Variants in PDE1C observed in about 807,000 individuals in gnomAD.
PDE1C encodes phosphodiesterase 1C.
Under a neutral mutation model 93.1 loss-of-function variants are expected in PDE1C, and 62 were observed. The ratio of observed to expected loss-of-function variants is 0.67; its 90% CI spans 0.54 to 0.82. The LOEUF (loss-of-function observed/expected upper bound fraction) is 0.82, where lower values mean the gene tolerates loss of function less well. Ranked by LOEUF, PDE1C falls within the 40% of genes least tolerant of loss-of-function variation. The pLI is 0.00. For synonymous variants in PDE1C, 325 were observed against 310.1 expected (o/e 1.05, Z -0.50); for missense variants, 742 against 884.6 (o/e 0.84, Z 2.04).
intron 2 of PDE1C, among the ~76,000 whole-genome samples, chr7:31,930,634 A>C (rs1405730842): frequency 6.6e-6 from 1 of 151,930 alleles, no homozygotes; most frequent in Admixed American, 6.6e-5. Context: ...AGGTCAGGAG[A>C]TCGAGACCAT....
intron 2 of PDE1C, among the ~76,000 whole-genome samples, chr7:32,020,025 G>T (rs1412016255): frequency 6.6e-6 from 1 of 152,082 alleles, no homozygotes; most frequent in East Asian, 1.9e-4. Flanking sequence ...AGGTGTCAGA[G>T]AAGGGAATAA....
intron 1 of PDE1C, among the ~76,000 whole-genome samples, chr7:32,281,616 C>A (rs964953326): frequency 2.6e-5 from 4 of 152,134 alleles, no homozygotes; most frequent in Non-Finnish European, 5.9e-5. Flanking sequence ...AATACCCCAA[C>A]AGAAAAACTA....
At chr7:32,297,967 C>T (rs1812689996) in intron 1 of PDE1C, among the ~76,000 whole-genome samples, 1 of 62,470 alleles carries the variant, frequency 1.6e-5, no homozygotes, top group African/African-American at 6.5e-5. Flanking sequence ...CTCTCTCTCT[C>T]TCTCTCTCTC....
the PDE1C span, among the ~76,000 whole-genome samples, chr7:31,736,220 C>G: frequency 1.3e-5 from 2 of 152,172 alleles, no homozygotes; most frequent in Non-Finnish European, 2.9e-5. Context: ...AGCAGGTACT[C>G]CCTGGAAATG....
intron 6 of PDE1C, among the ~76,000 whole-genome samples, chr7:31,866,562 G>C (rs544594448): frequency 7.9e-5 from 12 of 152,176 alleles, no homozygotes; most frequent in Admixed American, 2.6e-4. Context: ...AGTATTTGTG[G>C]TCATGTAAAG....
chr7:31,775,208 C>T (rs1328246159), intron 17 of PDE1C, among the ~76,000 whole-genome samples: 1 of 152,118 alleles, frequency 6.6e-6, no homozygotes, highest in African/African-American at 2.4e-5. Flanking sequence ...AATTTACAAG[C>T]ATTATTTCTA....
intron 1 of PDE1C, among the ~76,000 whole-genome samples, chr7:32,387,711 G>T (rs1294172359): frequency 7.3e-6 from 1 of 137,476 alleles, no homozygotes; most frequent in African/African-American, 2.8e-5. Flanking sequence ...CGGACGGGGC[G>T]GCTGGCCGGG....
At position 31,751,895 on chromosome 7, in the gene PDE1C, C is replaced by G. The variant is rs1037007432; in HGVS notation, c.*1489G>C. On this transcript the variant is annotated 3_prime_UTR_variant, in exon 18 of 18. Coordinates refer to ENST00000396191, the MANE Select transcript of PDE1C (RefSeq NM_001191057.4). ...CTCTTTACAATCAAGCCTGGAAGGT[C>G]GAGGCCATCCGGGAACAAACAGCTC... 6.6e-6 allele frequency: 1 copy of G among 152,132 alleles called. No individual in the cohort carries two copies. The highest frequency in any genetic ancestry group is 1.5e-5 in the Non-Finnish European group (1 of 68,050). 9.4% of individuals were successfully genotyped at this position (152,132 alleles called of 1,614,324 possible). A position where few individuals can be genotyped will look rare whatever the true frequency, so the allele number is the denominator to read the frequency against.
chr7:32,399,181 G>A (rs895937685), intron 1 of PDE1C, among the ~76,000 whole-genome samples: 4 of 152,164 alleles, frequency 2.6e-5, no homozygotes, highest in Non-Finnish European at 5.9e-5. Context: ...AGTCGATCAA[G>A]CCATCACCTA....
chr7:32,404,044 C>T (rs1275777143), intron 1 of PDE1C, among the ~76,000 whole-genome samples: 1 of 152,142 alleles, frequency 6.6e-6, no homozygotes, highest in Non-Finnish European at 1.5e-5. Flanking sequence ...CATATTAGCC[C>T]AACGACTAAC....
At chr7:31,843,662 T>C (rs1047377250) in intron 9 of PDE1C, among the ~76,000 whole-genome samples, 4 of 151,894 alleles carry the variant, frequency 2.6e-5, no homozygotes, top group African/African-American at 4.8e-5. Context: ...GTAGAATGTT[T>C]AGTCCTTTAA....
At chr7:31,747,887 T>C (rs1794039837), downstream of PDE1C, among the ~76,000 whole-genome samples, 1 of 151,768 alleles carries the variant, frequency 6.6e-6, no homozygotes, top group South Asian at 2.1e-4. Context: ...TCTTGGGTTC[T>C]ACAACCCTCT....
intron 1 of PDE1C, among the ~76,000 whole-genome samples, chr7:32,410,187 G>A (rs900617571): frequency 2.6e-5 from 4 of 152,078 alleles, no homozygotes; most frequent in Non-Finnish European, 4.4e-5. Context: ...AACCAACCAG[G>A]GTGGGCGTGG....
intron 1 of PDE1C, among the ~76,000 whole-genome samples, chr7:32,329,223 T>C (rs893930588): frequency 6.6e-6 from 1 of 152,034 alleles, no homozygotes; most frequent in African/African-American, 2.4e-5. Flanking sequence ...TTGTCTCAAA[T>C]AAATAAATAA....
upstream of PDE1C, chr7:32,070,418 G>T: frequency 2.5e-6 from 4 of 1,613,772 alleles, no homozygotes; most frequent in Non-Finnish European, 3.4e-6. Flanking sequence ...GACCACTGGC[G>T]GTGAAGCTGA....
intron 2 of PDE1C, among the ~76,000 whole-genome samples, chr7:31,914,086 A>G (rs1265205390): frequency 6.6e-6 from 1 of 152,210 alleles, no homozygotes; most frequent in Non-Finnish European, 1.5e-5. Context: ...AACATAATTC[A>G]CATTGGCTCA....
the PDE1C span, among the ~76,000 whole-genome samples, chr7:31,656,726 G>A: frequency 2.6e-5 from 4 of 152,178 alleles, no homozygotes; most frequent in Non-Finnish European, 5.9e-5. Flanking sequence ...TTGACAGTCA[G>A]AAAGATGACT....
the PDE1C span, among the ~76,000 whole-genome samples, chr7:31,622,139 C>T: frequency 7.3e-6 from 1 of 136,678 alleles, no homozygotes; most frequent in Non-Finnish European, 1.6e-5. Flanking sequence ...GACTTAGACT[C>T]CCACACATTA....
At chr7:32,136,690 G>A (rs1410224562) in intron 3 of PDE1C, among the ~76,000 whole-genome samples, 1 of 152,196 alleles carries the variant, frequency 6.6e-6, no homozygotes, top group Admixed American at 6.5e-5. Flanking sequence ...AAACAGGCAT[G>A]TACCAATAAT....
Sources: allele counts gnomAD v4.1 joint callset (sites outside exome capture counted in the v4.1 genomes callset), GRCh38; gene constraint gnomAD v4.1.1; transcripts MANE v1.5; gene names NCBI Gene and HGNC (gene_info 2026-07-23, HGNC 2026-07-21).